The following SGPL1 variants were observed in gnomAD, a reference collection of about 807,000 sequenced individuals.
The protein encoded by SGPL1 is SP-lyase 1.
A neutral mutation model predicts 68.9 loss-of-function variants in SGPL1; 37 were observed. The ratio of observed to expected loss-of-function variants is 0.54; its 90% CI spans 0.41 to 0.71. The LOEUF (loss-of-function observed/expected upper bound fraction) is 0.71. Among genes scored for constraint, SGPL1 ranks in the 30% least tolerant of loss-of-function variants. The pLI, the probability that SGPL1 is intolerant of heterozygous loss-of-function variation, is 0.00. For missense variants in SGPL1, 551 were observed against 704.6 expected, an observed-to-expected ratio of 0.78 and a Z score of 2.47; for synonymous variants, 236 against 248.5, an observed-to-expected ratio of 0.95 and a Z score of 0.47.
At position 70,844,476 on chromosome 10, in the gene SGPL1, G is replaced by T; in HGVS notation, c.31G>T (p.Ala11Ser). The T allele has an allele frequency of 1.2e-6, 2 of 1,612,720 alleles. No individual in the cohort carries two copies. Among genetic ancestry groups the T allele is most frequent in the Non-Finnish European group, 8.5e-7 (1 of 1,179,068 alleles). MPSTDLLMLK[A>S]FEPYLEILEV... The stretch of plus-strand genomic sequence containing the variant: ...TATTTTTCACTTGTATTTCTAGAAG[G>T]CCTTTGAGCCCTACTTAGAGATTTT... The change falls in exon 3 of 15, where the codon GCC becomes TCC. Residue 11 changes from alanine to serine, a missense_variant. By Grantham distance (99) the Ala-to-Ser change is moderately conservative. Transcript: ENST00000373202.
At position 70,875,273 on chromosome 10, in the gene SGPL1, G is replaced by A. The variant is rs921493249; in HGVS notation, c.1299-129G>A. On this transcript the variant is annotated intron_variant, in intron 12 of 14. Transcript: ENST00000373202. ...CCCTCTTCTTTTTTGAAGATGAGAA[G>A]ACTAAAGCCCAAAGGGTTAGATTGC... 3 of 616,806 alleles carry A rather than the reference G, an allele frequency of 4.9e-6. No individual in the cohort carries two copies. The South Asian group carries it at 6.1e-5, about 13-fold the overall frequency. The allele number at this position is 616,806 out of a possible 1,614,324, so 38.2% of individuals were successfully genotyped here.
chr10:70,821,363 T>C (rs1295634170), intron 2 of SGPL1, among the ~76,000 whole-genome samples: 1 of 152,202 alleles, frequency 6.6e-6, no homozygotes, highest in Admixed American at 6.5e-5. Context: ...GAAAAAGGTA[T>C]TTTATAAAGC....
chr10:70,848,289 A>G (rs1382085817), intron 3 of SGPL1, among the ~76,000 whole-genome samples: 2 of 152,214 alleles, frequency 1.3e-5, no homozygotes, highest in African/African-American at 4.8e-5. Flanking sequence ...TAAACTGTTA[A>G]GAACCATGCA....
intron 2 of SGPL1, among the ~76,000 whole-genome samples, chr10:70,826,187 A>G (rs1845433022): frequency 6.6e-6 from 1 of 152,216 alleles, no homozygotes; most frequent in South Asian, 2.1e-4. Flanking sequence ...TCTCTCAAAA[A>G]AATTACAACA....
At chr10:70,868,847 C>A (rs552301623) in intron 8 of SGPL1, among the ~76,000 whole-genome samples, 41 of 152,240 alleles carry the variant, frequency 2.7e-4, no homozygotes, top group African/African-American at 9.4e-4. Context: ...TCAGGGTACT[C>A]TCTGGGAAAA....
chr10:70,829,099 G>A lies in SGPL1; in HGVS notation c.27+12219G>A, dbSNP rs190570965. Among the ~76,000 whole-genome samples the A allele has an allele frequency of 5.9e-5, 9 of 152,274 alleles. No homozygotes were observed. The East Asian group carries it at 1.5e-3, about 26-fold the overall frequency. On this transcript the variant is annotated intron_variant, in intron 2 of 14. Transcript: ENST00000373202. ...GCCCTTTCTGAAAATGTTTTCAAAT[G>A]CTTTCCCAACAATCACGACCACAAG...
rs141571833 is a variant in SGPL1, at chr10:70,857,470, A to G, written c.410-144A>G. On this transcript the variant is annotated intron_variant, in intron 5 of 14. Transcript: ENST00000373202. The stretch of plus-strand genomic sequence containing the variant: ...CTAACTCTATTGAACTTTTTTCTTG[A>G]TTTGCTATAAGAATGCTGTTGGGTT... The G allele has an allele frequency of 5.5e-3, 3,406 of 621,314 alleles. 57 individuals carry two copies. Among genetic ancestry groups the G allele is most frequent in the South Asian group, 0.033 (1,870 of 56,836 alleles). The allele number at this position is 621,314 out of a possible 1,614,324, so 38.5% of individuals were successfully genotyped here. A position where few individuals can be genotyped will look rare whatever the true frequency, so the allele number is the denominator to read the frequency against.
chr10:70,869,261 A>G (rs1846247327), intron 8 of SGPL1: 1 of 152,340 alleles, frequency 6.6e-6, no homozygotes, highest in Non-Finnish European at 1.5e-5. Flanking sequence ...ACACTATTTG[A>G]AATACTATTT....
In SGPL1 at chr10:70,877,293, C is replaced by T; in HGVS notation, c.1665C>T (p.Val555=). 6.2e-7 allele frequency: 1 copy of T among 1,614,204 alleles called. No homozygotes were observed. Among genetic ancestry groups the T allele is most frequent in the Non-Finnish European group, 8.5e-7 (1 of 1,180,022 alleles). Reference sequence around the variant, plus strand: ...ACAGCTTGTACAGCACCGACACTGTCACCCAGGGCAGCCAGATGAATGGTT... The same window carrying T: ...ACAGCTTGTACAGCACCGACACTGTTACCCAGGGCAGCCAGATGAATGGTT... The part of the protein sequence containing the change: ...FLDSLYSTDT[V]TQGSQMNGSP... Residue 555 remains valine (V), a synonymous_variant, in exon 15 of 15, where the codon GTC becomes GTT. Transcript: ENST00000373202.
intron 2 of SGPL1, among the ~76,000 whole-genome samples, chr10:70,822,444 AC>A (rs1036893344): frequency 1.3e-5 from 2 of 152,228 alleles, no homozygotes; most frequent in African/African-American, 4.8e-5. Flanking sequence ...ATTAGGTTTT[AC>A]CCAATCTAAT....
chr10:70,863,297 T>TG (rs1200744339), intron 7 of SGPL1, among the ~76,000 whole-genome samples: 55 of 150,614 alleles, frequency 3.7e-4, no homozygotes, highest in East Asian at 1.7e-3. Flanking sequence ...GTCTTTTTTT[T>TG]TTTTTTTTTT....
intron 2 of SGPL1, among the ~76,000 whole-genome samples, chr10:70,837,308 C>A (rs1307236133): frequency 1.3e-5 from 2 of 151,934 alleles, no homozygotes; most frequent in African/African-American, 4.8e-5. Flanking sequence ...AAACTCCTGA[C>A]CTCAGGTGAT....
At chr10:70,847,746 C>G (rs1238708208) in intron 3 of SGPL1, among the ~76,000 whole-genome samples, 1 of 152,162 alleles carries the variant, frequency 6.6e-6, no homozygotes, top group Non-Finnish European at 1.5e-5. Context: ...GTCTTCCCTC[C>G]AGAGATCAGG....
chr10:70,859,890 T>C (rs1846021731), intron 7 of SGPL1, among the ~76,000 whole-genome samples: 4 of 152,186 alleles, frequency 2.6e-5, no homozygotes, highest in Admixed American at 2.0e-4. Context: ...CTCTACACTC[T>C]TTCCCTCCCT....
In SGPL1 at chr10:70,880,995, C is replaced by T. The variant is rs2131961608; in HGVS notation, c.*3660C>T. 1 of 152,234 alleles carries T rather than the reference C, an allele frequency of 6.6e-6. No individual in the cohort carries two copies. The highest frequency in any genetic ancestry group is 6.5e-5 in the Admixed American group (1 of 15,294). 9.4% of individuals were successfully genotyped at this position (152,234 alleles called of 1,614,324 possible). A position where few individuals can be genotyped will look rare whatever the true frequency, so the allele number is the denominator to read the frequency against. ...AATTACTGAGTCCTAATTTGATAGC[C>T]ACCAACTGTACCTGGGTAGGCAAAG... On this transcript the variant is annotated 3_prime_UTR_variant, in exon 15 of 15. Coordinates refer to ENST00000373202, the MANE Select transcript of SGPL1 (RefSeq NM_003901.4).
intron 7 of SGPL1, among the ~76,000 whole-genome samples, chr10:70,863,194 C>T (rs567877303): frequency 3.3e-5 from 5 of 151,796 alleles, no homozygotes; most frequent in Non-Finnish European, 7.4e-5. Context: ...ACCATGTTGC[C>T]CAGGCTGGTG....
chr10:70,833,883 A>G (rs1341922518), intron 2 of SGPL1, among the ~76,000 whole-genome samples: 1 of 152,198 alleles, frequency 6.6e-6, no homozygotes, highest in African/African-American at 2.4e-5. Context: ...AACAAATAAC[A>G]AATTCTGTCT....
At position 70,877,358 on chromosome 10, in the gene SGPL1, A is replaced by G. The variant is rs762525603; in HGVS notation, c.*23A>G. On this transcript the variant is annotated 3_prime_UTR_variant, in exon 15 of 15. Transcript: ENST00000373202. ...TGAACTTGGACCCTTTCTAGTCTCA[A>G]GGGGATTCCAGCCTTCAGAAGGTTC... The G allele has an allele frequency of 6.2e-7, 1 of 1,613,326 alleles. No homozygotes were observed. The highest frequency in any genetic ancestry group is 1.1e-5 in the South Asian group (1 of 91,054).
intron 2 of SGPL1, among the ~76,000 whole-genome samples, chr10:70,840,933 T>C (rs961875768): frequency 6.6e-6 from 1 of 152,186 alleles, no homozygotes; most frequent in African/African-American, 2.4e-5. Context: ...AGTCATCTTT[T>C]GACATTGGTA....
Sources: allele counts gnomAD v4.1 joint callset (sites outside exome capture counted in the v4.1 genomes callset), GRCh38; gene constraint gnomAD v4.1.1; transcripts MANE v1.5; gene names NCBI Gene and HGNC (gene_info 2026-07-23, HGNC 2026-07-21).